The following BTBD9 variants were observed in gnomAD, a reference collection of about 807,000 sequenced individuals.
BTBD9 encodes the protein BTB/POZ domain-containing protein 9.
In BTBD9, 49 loss-of-function variants were observed where a neutral mutation model predicts 64.3. The ratio of observed to expected loss-of-function variants is 0.76; its 90% CI spans 0.61 to 0.97. The LOEUF is 0.97. BTBD9 is among the 50% of genes least tolerant of loss of function. The probability of loss-of-function intolerance (pLI) is 0.00; values close to 1 mark genes in which losing one functional copy is unlikely to be tolerated. For missense variants in BTBD9, 598 were observed against 762.1 expected, an observed-to-expected ratio of 0.78 and a Z score of 2.53; for synonymous variants, 260 against 274.7, an observed-to-expected ratio of 0.95 and a Z score of 0.53.
chr6:38,404,733 C>T (rs1767091788), intron 6 of BTBD9, among the ~76,000 whole-genome samples: 1 of 152,162 alleles, frequency 6.6e-6, no homozygotes, highest in African/African-American at 2.4e-5. Flanking sequence ...TGATGTGTTT[C>T]ATTCTGGGCT....
At chr6:38,476,811 T>C (rs1026809017) in intron 6 of BTBD9, among the ~76,000 whole-genome samples, 1 of 152,260 alleles carries the variant, frequency 6.6e-6, no homozygotes, top group Non-Finnish European at 1.5e-5. Context: ...TATAGACACA[T>C]GGGAAAAGAG....
chr6:38,524,060 A>G (rs1361619069), intron 6 of BTBD9, among the ~76,000 whole-genome samples: 4 of 152,184 alleles, frequency 2.6e-5, no homozygotes, highest in African/African-American at 9.6e-5. Context: ...CCAATTAGAG[A>G]AATTTCTTAG....
intron 6 of BTBD9, among the ~76,000 whole-genome samples, chr6:38,577,361 T>C (rs1279587652): frequency 6.6e-6 from 1 of 152,244 alleles, no homozygotes; most frequent in Non-Finnish European, 1.5e-5. Context: ...TTCTCATTCA[T>C]TCACATGTGT....
chr6:38,330,456 G>A lies in BTBD9; in HGVS notation c.1264+14528C>T, dbSNP rs116112101. ...AGTCCCAGCTACTTGGGAGGCTGAG[G>A]TGAGAGTATCACTTAAGCCCAGGAG... On this transcript the variant is annotated intron_variant, in intron 7 of 10. Coordinates refer to ENST00000481247, the MANE Select transcript of BTBD9 (RefSeq NM_001099272.2). Among the ~76,000 whole-genome samples, 487 of 152,254 alleles carry A rather than the reference G, an allele frequency of 3.2e-3. 2 individuals carry two copies. Among genetic ancestry groups the A allele is most frequent in the African/African-American group, 0.011 (467 of 41,548 alleles).
intron 6 of BTBD9, among the ~76,000 whole-genome samples, chr6:38,471,558 T>C (rs1179590825): frequency 1.3e-5 from 2 of 152,138 alleles, no homozygotes; most frequent in Non-Finnish European, 2.9e-5. Flanking sequence ...GTTGTTGTTG[T>C]TGTTTTAAGC....
At chr6:38,566,761 T>C (rs1048800195) in intron 6 of BTBD9, among the ~76,000 whole-genome samples, 1 of 152,204 alleles carries the variant, frequency 6.6e-6, no homozygotes, top group African/African-American at 2.4e-5. Flanking sequence ...ACTTCAAGTG[T>C]GATTTTAAGC....
intron 2 of BTBD9, among the ~76,000 whole-genome samples, chr6:38,596,586 G>C (rs1190514208): frequency 1.3e-5 from 2 of 151,896 alleles, no homozygotes; most frequent in African/African-American, 4.8e-5. Context: ...GGATCACAAG[G>C]TCAGGAGATC....
At chr6:38,349,212 T>G (rs976054991) in intron 6 of BTBD9, among the ~76,000 whole-genome samples, 4 of 152,144 alleles carry the variant, frequency 2.6e-5, no homozygotes, top group Non-Finnish European at 4.4e-5. Flanking sequence ...TAAAACTTAG[T>G]TTCCTCCTCT....
intron 6 of BTBD9, among the ~76,000 whole-genome samples, chr6:38,357,153 A>G (rs1183352730): frequency 6.6e-6 from 1 of 152,168 alleles, no homozygotes; most frequent in African/African-American, 2.4e-5. Flanking sequence ...AATAGGGGAG[A>G]GGATCTAGAG....
chr6:38,497,495 T>A (rs1427760314), intron 6 of BTBD9, among the ~76,000 whole-genome samples: 1 of 152,112 alleles, frequency 6.6e-6, no homozygotes, highest in African/African-American at 2.4e-5. Flanking sequence ...TTCAAAATGA[T>A]CAGGTTTCCC....
At chr6:38,286,026 G>C (rs891340269) in intron 8 of BTBD9, among the ~76,000 whole-genome samples, 9 of 152,174 alleles carry the variant, frequency 5.9e-5, no homozygotes, top group African/African-American at 1.9e-4. Flanking sequence ...AGGAAGGTGG[G>C]GTATTATTTG....
At chr6:38,547,896 A>T (rs1774620558) in intron 6 of BTBD9, among the ~76,000 whole-genome samples, 1 of 152,184 alleles carries the variant, frequency 6.6e-6, no homozygotes, top group African/African-American at 2.4e-5. Context: ...TGTCTTATTA[A>T]TATTATCTGG....
At chr6:38,393,726 G>A (rs899903422) in intron 6 of BTBD9, among the ~76,000 whole-genome samples, 1 of 152,186 alleles carries the variant, frequency 6.6e-6, no homozygotes, top group Non-Finnish European at 1.5e-5. Context: ...GTATTACAAT[G>A]TTGACTTACA....
At chr6:38,602,041 G>C (rs1030196171) in intron 1 of BTBD9, among the ~76,000 whole-genome samples, 52 of 152,178 alleles carry the variant, frequency 3.4e-4, no homozygotes, top group African/African-American at 1.2e-3. Context: ...AAAGACATAA[G>C]TTGTTTGGGG....
At chr6:38,495,698 G>A (rs1383258688) in intron 6 of BTBD9, among the ~76,000 whole-genome samples, 1 of 151,628 alleles carries the variant, frequency 6.6e-6, no homozygotes, top group Non-Finnish European at 1.5e-5. Flanking sequence ...GAACCAGTGA[G>A]GCTGGCTTCC....
chr6:38,436,067 T>C (rs1171570692), intron 6 of BTBD9, among the ~76,000 whole-genome samples: 1 of 151,926 alleles, frequency 6.6e-6, no homozygotes, highest in Non-Finnish European at 1.5e-5. Flanking sequence ...TGAAATGTCA[T>C]AAATTCCTTA....
At chr6:38,623,494 C>G (rs1778068206) in intron 1 of BTBD9, among the ~76,000 whole-genome samples, 2 of 152,218 alleles carry the variant, frequency 1.3e-5, no homozygotes, top group Non-Finnish European at 2.9e-5. Flanking sequence ...GACCATTTGA[C>G]AGGAGTGACT....
chr6:38,592,856 A>T lies in BTBD9; in HGVS notation c.550-16T>A. The T allele has an allele frequency of 6.2e-7, 1 of 1,612,116 alleles. No individual in the cohort carries two copies. The highest frequency in any genetic ancestry group is 8.5e-7 in the Non-Finnish European group (1 of 1,178,640). On this transcript the variant is annotated splice_polypyrimidine_tract_variant and intron_variant, in intron 3 of 10. Transcript: ENST00000481247. Reference sequence around the variant, plus strand: ...AAAGTGCTGTCTGAAAAGGATAAAAAGGTAAAATTCCAGTTATATGAAGTT... The same window carrying T: ...AAAGTGCTGTCTGAAAAGGATAAAATGGTAAAATTCCAGTTATATGAAGTT...
intron 9 of BTBD9, among the ~76,000 whole-genome samples, chr6:38,232,696 G>A (rs947654906): frequency 5.6e-5 from 8 of 143,138 alleles, no homozygotes; most frequent in Non-Finnish European, 9.0e-5. Context: ...ATAAGGTCTC[G>A]CTATGTTACC....
Sources: allele counts gnomAD v4.1 joint callset (sites outside exome capture counted in the v4.1 genomes callset), GRCh38; gene constraint gnomAD v4.1.1; transcripts MANE v1.5; gene names NCBI Gene and HGNC (gene_info 2026-07-23, HGNC 2026-07-21).